FAM184A: variants seen among roughly 807,000 people sequenced by gnomAD.
The protein encoded by FAM184A is protein FAM184A.
Under a neutral mutation model 143.8 loss-of-function variants are expected in FAM184A, and 99 were observed. The ratio of observed to expected loss-of-function variants is 0.69; its 90% confidence interval spans 0.58 to 0.81. FAM184A has a LOEUF of 0.81. FAM184A is among the 40% of genes least tolerant of loss of function. The probability of loss-of-function intolerance (pLI) is 0.00; values close to 1 mark genes in which losing one functional copy is unlikely to be tolerated. For synonymous variants in FAM184A, 427 were observed against 446.4 expected (o/e 0.96, Z 0.55); for missense variants, 1,217 against 1,310.5 (o/e 0.93, Z 1.10).
In FAM184A at chr6:119,065,623, C is replaced by T. The variant is rs76700239; in HGVS notation, c.159+12518G>A. ...TTCATTCAGGAAACACCTGAGTACA[C>T]AGTATATGACAGACCCGTTATCCTC... On this transcript the variant is annotated intron_variant, in intron 1 of 17. Coordinates refer to ENST00000338891, the MANE Select transcript of FAM184A (RefSeq NM_024581.6). Among the ~76,000 whole-genome samples the T allele has an allele frequency of 3.4e-4, 52 of 152,286 alleles. No homozygotes were observed. The East Asian group carries it at 6.0e-3, about 18-fold the overall frequency.
intron 1 of FAM184A, among the ~76,000 whole-genome samples, chr6:119,031,203 T>C: frequency 6.6e-6 from 1 of 152,184 alleles, no homozygotes; most frequent in Non-Finnish European, 1.5e-5. Context: ...ATAGTCCTCA[T>C]TTATGCCTGC....
At chr6:119,041,204 C>A (rs1786314732) in intron 1 of FAM184A, among the ~76,000 whole-genome samples, 1 of 152,108 alleles carries the variant, frequency 6.6e-6, no homozygotes, top group African/African-American at 2.4e-5. Flanking sequence ...GCGACAAGGC[C>A]AGCCCAAGGC....
rs1056494352 is a variant in FAM184A at position 119,032,414 on chromosome 6, T to G, written c.160-7601A>C. ...AATAAGTTAACAGTGACTGCCAGTCTCAGTCTCATTTTTTTACTATTAAAT... is the reference window on the plus strand; with the variant it reads ...AATAAGTTAACAGTGACTGCCAGTCGCAGTCTCATTTTTTTACTATTAAAT... On this transcript the variant is annotated intron_variant, in intron 1 of 17. Coordinates refer to ENST00000338891, the MANE Select transcript of FAM184A (RefSeq NM_024581.6). Among the ~76,000 whole-genome samples, 3 of 151,462 alleles carry G rather than the reference T, an allele frequency of 2.0e-5. No individual in the cohort carries two copies. The South Asian group carries it at 6.3e-4, about 32-fold the overall frequency.
chr6:119,143,737 T>A (rs1232223752), intron 1 of FAM184A, among the ~76,000 whole-genome samples: 4 of 152,234 alleles, frequency 2.6e-5, no homozygotes, highest in Non-Finnish European at 5.9e-5. Flanking sequence ...CGATCCCACT[T>A]GGATGAGAGG....
chr6:119,065,150 T>C (rs768653807), intron 1 of FAM184A, among the ~76,000 whole-genome samples: 1 of 152,188 alleles, frequency 6.6e-6, no homozygotes, highest in African/African-American at 2.4e-5. Context: ...ATGTAACCAA[T>C]AGAATACAGC....
At chr6:119,005,227 T>C (rs1264281230) in intron 7 of FAM184A, 1 of 152,182 alleles carries the variant, frequency 6.6e-6, no homozygotes, top group African/African-American at 2.4e-5. Context: ...CAATTATTTC[T>C]TGTTATATAT....
intron 1 of FAM184A, among the ~76,000 whole-genome samples, chr6:119,030,224 C>T (rs1284645982): frequency 2.0e-5 from 3 of 151,994 alleles, no homozygotes; most frequent in Non-Finnish European, 4.4e-5. Context: ...TGAAGCCAAA[C>T]ATAATAACAA....
intron 1 of FAM184A, among the ~76,000 whole-genome samples, chr6:119,099,128 T>C (rs1363976488): frequency 6.6e-6 from 1 of 151,658 alleles, no homozygotes; most frequent in Admixed American, 6.6e-5. Flanking sequence ...CAAAACAAAA[T>C]AAAACAAAAC....
chr6:118,983,915 G>A (rs1472722972), intron 9 of FAM184A, among the ~76,000 whole-genome samples: 1 of 151,546 alleles, frequency 6.6e-6, no homozygotes, highest in Non-Finnish European at 1.5e-5. Flanking sequence ...TTAGGAGGCC[G>A]AGACGGGTGG....
rs374111767 is a variant in FAM184A at position 118,993,584 on chromosome 6, TAAC to T, written c.2088+9312_2088+9314del. 4.5e-3 allele frequency among the ~76,000 whole-genome samples: 685 copies of T among 152,364 alleles called. 8 individuals carry two copies. Among genetic ancestry groups the T allele is most frequent in the African/African-American group, 0.016 (652 of 41,584 alleles). On this transcript the variant is annotated intron_variant, in intron 9 of 17. Coordinates refer to ENST00000338891, the MANE Select transcript of FAM184A (RefSeq NM_024581.6). ...TGGTGCCTGGCACAGGGTAAATGAT[TAAC>T]AAATGTTTATTCAAAAACTTAATGA...
Position 118,961,863 on chromosome 6 carries a change from C to A in FAM184A, c.3239G>T (p.Arg1080Leu), listed in dbSNP as rs764735318. 6 of 1,613,660 alleles carry A rather than the reference C, an allele frequency of 3.7e-6. No homozygotes were observed. In the Middle Eastern group the frequency reaches 4.9e-4, roughly 133 times the overall value. Residue 1080 changes from arginine to leucine, a missense_variant, in exon 17 of 18, where the codon CGC becomes CTC. Coordinates refer to ENST00000338891, the MANE Select transcript of FAM184A (RefSeq NM_024581.6). ...SGGVGNGHPN[R>L]LDPIPNSPVH... ...TGGAGAATTAGGAATGGGATCCAGG[C>A]GGTTAGGATGTCCATTGCCCACTCC... is the stretch of plus-strand genomic sequence containing the variant.
At chr6:119,026,751 A>G (rs1037605637) in intron 1 of FAM184A, among the ~76,000 whole-genome samples, 1 of 152,184 alleles carries the variant, frequency 6.6e-6, no homozygotes, top group African/African-American at 2.4e-5. Flanking sequence ...GTGATACTAT[A>G]CCAAGAGTCA....
chr6:119,037,094 G>T (rs909286334), intron 1 of FAM184A, among the ~76,000 whole-genome samples: 3 of 152,110 alleles, frequency 2.0e-5, no homozygotes, highest in Non-Finnish European at 4.4e-5. Context: ...TTATTAATTT[G>T]TCCCTGAAAT....
intron 6 of FAM184A, among the ~76,000 whole-genome samples, chr6:119,008,824 AT>A (rs530898403): frequency 1.8e-4 from 27 of 152,178 alleles, no homozygotes; most frequent in Non-Finnish European, 3.7e-4. Flanking sequence ...CTGCACAAGC[AT>A]CCACATATTT....
At position 118,959,927 on chromosome 6, in the gene FAM184A, T is replaced by C. The variant is rs1783265102; in HGVS notation, c.*176A>G. On this transcript the variant is annotated 3_prime_UTR_variant, in exon 18 of 18. Coordinates refer to ENST00000338891, the MANE Select transcript of FAM184A (RefSeq NM_024581.6). ...AGTTATAATTACACACATAATATAGTACCTTATAGAATGATTCCAATAAAT... is the reference window on the plus strand; with the variant it reads ...AGTTATAATTACACACATAATATAGCACCTTATAGAATGATTCCAATAAAT... The C allele has an allele frequency of 2.1e-5, 10 of 474,644 alleles. No homozygotes were observed. The South Asian group carries it at 4.2e-4, about 20-fold the overall frequency. 29.4% of individuals were successfully genotyped at this position (474,644 alleles called of 1,614,324 possible).
intron 1 of FAM184A, among the ~76,000 whole-genome samples, chr6:119,087,629 C>G (rs1008088209): frequency 6.6e-6 from 1 of 152,142 alleles, no homozygotes; most frequent in African/African-American, 2.4e-5. Context: ...AATTGGGATC[C>G]CTGTGGTTGA....
rs1783980375 is a variant in FAM184A at position 118,980,214 on chromosome 6, T to G, written c.2225A>C (p.Gln742Pro). Residue 742 changes from glutamine to proline, a missense_variant, in exon 10 of 18, where the codon CAA (glutamine) becomes CCA (proline). Coordinates refer to ENST00000338891, the MANE Select transcript of FAM184A (RefSeq NM_024581.6). ...ELEELEEQHQ[Q>P]RHKSLKEAHV... ...TGCTTCTTTTAATGATTTGTGTCTT[T>G]GCTGATGTTGCTCCTCTAATTCTTC... 3 of 1,614,100 alleles carry G rather than the reference T, an allele frequency of 1.9e-6. No homozygotes were observed. The African/African-American group carries it at 4.0e-5, about 22-fold the overall frequency.
intron 1 of FAM184A, among the ~76,000 whole-genome samples, chr6:119,122,387 CTT>C (rs1291842970): frequency 2.0e-5 from 3 of 152,062 alleles, no homozygotes; most frequent in Non-Finnish European, 4.4e-5. Flanking sequence ...GAAGAGGAGA[CTT>C]TATTTTTTAC....
Position 118,972,442 on chromosome 6 carries a change from A to C in FAM184A, c.2915+1986T>G, listed in dbSNP as rs574385048. Among the ~76,000 whole-genome samples, 5 of 152,300 alleles carry C rather than the reference A, an allele frequency of 3.3e-5. No homozygotes were observed. The South Asian group carries it at 1.0e-3, about 32-fold the overall frequency. On this transcript the variant is annotated intron_variant, in intron 14 of 17. Transcript: ENST00000338891. ...GTGTTTGTTTTTAACTAAAGGAGTA[A>C]ACACCTAAAGCTAGGGGGTAATTAC...
Sources: gnomAD v4.1 joint callset for allele counts (sites outside exome capture counted in the v4.1 genomes callset) on GRCh38, gnomAD v4.1.1 for gene constraint, MANE v1.5 for transcripts, NCBI Gene and HGNC (gene_info 2026-07-23, HGNC 2026-07-21) for gene names.